LRP1B: variants seen among roughly 807,000 people sequenced by gnomAD.
The protein encoded by LRP1B is LDL receptor related protein 1B.
In LRP1B, 217 loss-of-function variants were observed where a neutral mutation model predicts 556.6. That is an observed-to-expected ratio of 0.39 (90% CI 0.35 to 0.44). LRP1B has a LOEUF of 0.44. Ranked by LOEUF, LRP1B falls within the 20% of genes least tolerant of loss-of-function variation. The pLI, the probability that LRP1B is intolerant of heterozygous loss-of-function variation, is 1.00. For synonymous variants in LRP1B, 2,047 were observed against 1,865.8 expected (o/e 1.10, Z -2.50); for missense variants, 5,053 against 5,620.8 (o/e 0.90, Z 3.23).
At chr2:140,331,803 C>T in intron 79 of LRP1B, among the ~76,000 whole-genome samples, 1 of 151,614 alleles carries the variant, frequency 6.6e-6, no homozygotes, top group Non-Finnish European at 1.5e-5. Flanking sequence ...TCAAGCAATT[C>T]TTATGCCTTA....
chr2:140,749,802 T>C (rs193134646), intron 35 of LRP1B, among the ~76,000 whole-genome samples: 226 of 152,296 alleles, frequency 1.5e-3, no homozygotes, highest in Non-Finnish European at 1.9e-3. Flanking sequence ...ACCAGTAACA[T>C]AACCCATCAT....
Position 141,386,594 on chromosome 2 carries a change from C to G in LRP1B, c.343+93802G>C, listed in dbSNP as rs764092286. 3.7e-4 allele frequency among the ~76,000 whole-genome samples: 56 copies of G among 151,822 alleles called. 1 individual carries two copies. The highest frequency in any genetic ancestry group is 5.7e-4 in the Non-Finnish European group (39 of 67,888). On this transcript the variant is annotated intron_variant, in intron 3 of 90. Transcript: ENST00000389484. The stretch of plus-strand genomic sequence containing the variant: ...TTACATTAACATCAAACGAATTAGA[C>G]TTATGTAAAAAAACTATTACCAGAG...
chr2:141,273,240 T>G (rs987078521), intron 3 of LRP1B, among the ~76,000 whole-genome samples: 5 of 150,990 alleles, frequency 3.3e-5, no homozygotes, highest in Non-Finnish European at 5.9e-5. Context: ...ACCCAGGAGG[T>G]AGGGGTTGCA....
At chr2:141,793,109 G>GA (rs1379703136) in intron 2 of LRP1B, among the ~76,000 whole-genome samples, 5 of 151,706 alleles carry the variant, frequency 3.3e-5, no homozygotes, top group African/African-American at 9.7e-5. Flanking sequence ...TACACATTGT[G>GA]AAAAAAACAT....
intron 25 of LRP1B, among the ~76,000 whole-genome samples, chr2:140,878,450 A>G (rs13402852): frequency 0.011 from 1,708 of 152,248 alleles, 29 homozygotes; most frequent in African/African-American, 0.038. Context: ...AAAATGGAAC[A>G]AAGGTTAATA....
At chr2:140,282,008 T>C (rs928178481) in intron 84 of LRP1B, among the ~76,000 whole-genome samples, 1 of 150,634 alleles carries the variant, frequency 6.6e-6, no homozygotes, top group East Asian at 2.0e-4. Context: ...GAAAAAAAAA[T>C]GGCCAGAATT....
rs139412937 is a variant in LRP1B at position 140,368,917 on chromosome 2, T to C, written c.11008+1793A>G. ...ATAATGTAACCACTAAAATATGTCA[T>C]TGGAGCTTAATTACCCAGCAGCAAA... On this transcript the variant is annotated intron_variant, in intron 71 of 90. Transcript: ENST00000389484. Among the ~76,000 whole-genome samples the C allele has an allele frequency of 8.3e-3, 1,258 of 151,884 alleles. 5 individuals are homozygous for C. Among genetic ancestry groups the C allele is most frequent in the Admixed American group, 0.013 (198 of 15,182 alleles).
intron 20 of LRP1B, among the ~76,000 whole-genome samples, chr2:140,924,412 A>AT (rs1694828376): frequency 6.6e-6 from 1 of 151,952 alleles, no homozygotes; most frequent in South Asian, 2.1e-4. Context: ...TTAGTTCTTT[A>AT]TTTTTTCTTT....
intron 29 of LRP1B, among the ~76,000 whole-genome samples, chr2:140,846,210 A>G (rs1692269060): frequency 6.6e-6 from 1 of 152,220 alleles, no homozygotes; most frequent in Non-Finnish European, 1.5e-5. Flanking sequence ...AATAGCTCTC[A>G]ACTTGGAGTT....
At chr2:140,270,375 T>G (rs2104944231) in intron 85 of LRP1B, 29 bp from the exon 86 acceptor site, 4 of 1,353,756 alleles carry the variant, frequency 3.0e-6, no homozygotes, top group East Asian at 2.3e-5. Context: ...AAAGAACAAT[T>G]TCATTGTTAT....
chr2:141,315,927 A>G lies in LRP1B; in HGVS notation c.344-61286T>C, dbSNP rs909314753. On this transcript the variant is annotated intron_variant, in intron 3 of 90. Coordinates refer to ENST00000389484, the MANE Select transcript of LRP1B (RefSeq NM_018557.3). ...TTTTTTTTTTTTTTTTAACATCTCTACATTAGTATCCACAGGCTTTATGGC... is the reference window on the plus strand; with the variant it reads ...TTTTTTTTTTTTTTTTAACATCTCTGCATTAGTATCCACAGGCTTTATGGC... Among the ~76,000 whole-genome samples, 6 of 65,782 alleles carry G rather than the reference A, an allele frequency of 9.1e-5. No homozygotes were observed. In the Admixed American group the frequency reaches 1.0e-3, roughly 11 times the overall value. 43.2% of individuals were successfully genotyped at this position (65,782 alleles called of 152,430 possible).
At chr2:141,847,175 C>T (rs1188912907) in intron 1 of LRP1B, among the ~76,000 whole-genome samples, 1 of 151,254 alleles carries the variant, frequency 6.6e-6, no homozygotes, top group Non-Finnish European at 1.5e-5. Context: ...AAATCACACC[C>T]GAAACCAATT....
At position 141,476,454 on chromosome 2, in the gene LRP1B, A is replaced by T. The variant is rs74562260; in HGVS notation, c.343+3942T>A. Among the ~76,000 whole-genome samples the T allele has an allele frequency of 5.5e-3, 832 of 152,286 alleles. 3 individuals are homozygous for T. The highest frequency in any genetic ancestry group is 8.8e-3 in the Non-Finnish European group (598 of 68,030). ...ATTAGACAAGGTGATATTACCACCA[A>T]TATGAAGTACTGTGTAGAAAGAGAT... On this transcript the variant is annotated intron_variant, in intron 3 of 90. Coordinates refer to ENST00000389484, the MANE Select transcript of LRP1B (RefSeq NM_018557.3).
chr2:140,729,520 G>C (rs150878353), intron 35 of LRP1B, among the ~76,000 whole-genome samples: 2 of 152,052 alleles, frequency 1.3e-5, no homozygotes, highest in African/African-American at 4.8e-5. Flanking sequence ...TGCTATGCTT[G>C]GACTTTCAGG....
intron 3 of LRP1B, among the ~76,000 whole-genome samples, chr2:141,274,068 G>A (rs1292946535): frequency 6.6e-6 from 1 of 152,178 alleles, no homozygotes; most frequent in East Asian, 1.9e-4. Context: ...AATAACAAGT[G>A]TTGGTGAGGA....
chr2:141,385,544 G>GC (rs1689800763), intron 3 of LRP1B, among the ~76,000 whole-genome samples: 1 of 151,992 alleles, frequency 6.6e-6, no homozygotes, highest in African/African-American at 2.4e-5. Context: ...AACAAGAGCA[G>GC]CATGCATTCA....
chr2:142,002,955 T>C (rs2217842), intron 1 of LRP1B, among the ~76,000 whole-genome samples: 3,875 of 152,338 alleles, frequency 0.025, 163 homozygotes, highest in East Asian at 0.17. Context: ...GATGTGAACA[T>C]GCTTATAGAT....
intron 29 of LRP1B, among the ~76,000 whole-genome samples, chr2:140,848,805 A>G (rs1692351628): frequency 6.6e-6 from 1 of 152,200 alleles, no homozygotes; most frequent in Non-Finnish European, 1.5e-5. Context: ...CAATGTGCCA[A>G]ACTTTAAGCA....
chr2:141,975,979 C>T (rs1701875515), intron 1 of LRP1B, among the ~76,000 whole-genome samples: 1 of 151,960 alleles, frequency 6.6e-6, no homozygotes, highest in Non-Finnish European at 1.5e-5. Context: ...GAAATGCTTT[C>T]TATGTTAAAT....
Sources: gnomAD v4.1 joint callset for allele counts (sites outside exome capture counted in the v4.1 genomes callset) on GRCh38, gnomAD v4.1.1 for gene constraint, MANE v1.5 for transcripts, NCBI Gene and HGNC (gene_info 2026-07-23, HGNC 2026-07-21) for gene names.